The following LRP1B variants were observed in gnomAD, a reference collection of about 807,000 sequenced individuals.
LRP1B encodes LDL receptor related protein 1B, also known as low-density lipoprotein receptor-related protein 1B.
Under a neutral mutation model 556.6 loss-of-function variants are expected in LRP1B, and 217 were observed. The observed-to-expected ratio is 0.39, with a 90% CI of 0.35 to 0.44. The LOEUF (loss-of-function observed/expected upper bound fraction) is 0.44. Among genes scored for constraint, LRP1B ranks in the 20% least tolerant of loss-of-function variants. LRP1B has a pLI of 1.00. For missense variants in LRP1B, 5,053 were observed against 5,620.8 expected, an observed-to-expected ratio of 0.90 and a Z score of 3.23; for synonymous variants, 2,047 against 1,865.8, an observed-to-expected ratio of 1.10 and a Z score of -2.50.
chr2:140,652,688 A>C (rs1377537656), intron 41 of LRP1B, among the ~76,000 whole-genome samples: 1 of 152,060 alleles, frequency 6.6e-6, no homozygotes, highest in Non-Finnish European at 1.5e-5. Flanking sequence ...TTTCATGTAC[A>C]AAAGAAAGTT....
intron 44 of LRP1B, among the ~76,000 whole-genome samples, chr2:140,541,379 A>G (rs1680128062): frequency 6.6e-6 from 1 of 152,130 alleles, no homozygotes. Flanking sequence ...TTTTGTAAGC[A>G]CTGCATTGAC....
At chr2:142,093,011 C>T (rs1032544376) in intron 1 of LRP1B, among the ~76,000 whole-genome samples, 23 of 152,090 alleles carry the variant, frequency 1.5e-4, no homozygotes, top group African/African-American at 5.3e-4. Flanking sequence ...TGCGTGATCT[C>T]CCATCTACAA....
intron 20 of LRP1B, among the ~76,000 whole-genome samples, chr2:140,929,935 T>C (rs1030416190): frequency 2.0e-5 from 3 of 152,012 alleles, no homozygotes; most frequent in African/African-American, 7.2e-5. Context: ...CAGAAAAAAG[T>C]CATGAGGTTT....
chr2:140,660,546 T>C (rs1685055567), intron 41 of LRP1B, among the ~76,000 whole-genome samples: 1 of 152,154 alleles, frequency 6.6e-6, no homozygotes, highest in Admixed American at 6.5e-5. Flanking sequence ...AAGAGCTCCT[T>C]TTCATATCTC....
At chr2:140,436,781 C>G (rs1454733340) in intron 66 of LRP1B, among the ~76,000 whole-genome samples, 2 of 151,998 alleles carry the variant, frequency 1.3e-5, no homozygotes, top group African/African-American at 4.8e-5. Context: ...GTAGAAAGAT[C>G]AGCTGCACAT....
chr2:141,479,602 TAA>T (rs969387580), intron 3 of LRP1B, among the ~76,000 whole-genome samples: 1 of 152,150 alleles, frequency 6.6e-6, no homozygotes, highest in Non-Finnish European at 1.5e-5. Context: ...GAATCTGAGT[TAA>T]AGACTTCCAG....
At chr2:141,736,683 G>A (rs2105530647) in intron 2 of LRP1B, among the ~76,000 whole-genome samples, 1 of 152,242 alleles carries the variant, frequency 6.6e-6, no homozygotes, top group African/African-American at 2.4e-5. Context: ...CCAACAGCAA[G>A]TCACTACAGT....
At chr2:141,777,694 C>T (rs529440828) in intron 2 of LRP1B, among the ~76,000 whole-genome samples, 2 of 152,076 alleles carry the variant, frequency 1.3e-5, no homozygotes, top group Admixed American at 6.6e-5. Flanking sequence ...GGATTACAGT[C>T]GTGAGCCACC....
chr2:140,232,994 A>T lies in LRP1B; in HGVS notation c.*192T>A. 1 of 413,522 alleles carries T rather than the reference A, an allele frequency of 2.4e-6. No individual in the cohort carries two copies. Among genetic ancestry groups the T allele is most frequent in the Non-Finnish European group, 4.3e-6 (1 of 233,974 alleles). The allele number at this position is 413,522 out of a possible 1,614,324, so 25.6% of individuals were successfully genotyped here. A position where few individuals can be genotyped will look rare whatever the true frequency, so the allele number is the denominator to read the frequency against. On this transcript the variant is annotated 3_prime_UTR_variant, in exon 91 of 91. Transcript: ENST00000389484. ...ACTGTAGTGCAGTTCTTTTTCATAA[A>T]AATACCATACAAATGGTCAATCAAT... is the stretch of plus-strand genomic sequence containing the variant.
At chr2:140,839,436 A>T (rs191713579) in intron 31 of LRP1B, among the ~76,000 whole-genome samples, 27 of 152,284 alleles carry the variant, frequency 1.8e-4, no homozygotes, top group African/African-American at 5.1e-4. Context: ...CCCACCCTCA[A>T]TCTGGGTGGG....
intron 35 of LRP1B, among the ~76,000 whole-genome samples, chr2:140,740,301 G>A (rs1220478861): frequency 6.6e-6 from 1 of 152,014 alleles, no homozygotes; most frequent in Non-Finnish European, 1.5e-5. Flanking sequence ...AAGAAACTGT[G>A]GTATATGTGT....
In LRP1B at chr2:140,525,999, A is replaced by T; in HGVS notation, c.7877-6T>A. ...ATGTGTGCAGTCTGTGTTATCTAGA[A>T]GAAGGTAAACAAAAAATGAAAAAGT... is the stretch of plus-strand genomic sequence containing the variant. On this transcript the variant is annotated splice_region_variant and splice_polypyrimidine_tract_variant and intron_variant, in intron 48 of 90. Transcript: ENST00000389484. 6.2e-7 allele frequency: 1 copy of T among 1,611,112 alleles called. No homozygotes were observed. The highest frequency in any genetic ancestry group is 8.5e-7 in the Non-Finnish European group (1 of 1,178,484).
chr2:141,854,228 G>T (rs1305102093), intron 1 of LRP1B, among the ~76,000 whole-genome samples: 1 of 151,914 alleles, frequency 6.6e-6, no homozygotes, highest in East Asian at 1.9e-4. Context: ...GCATGAGCAA[G>T]TTCCCACTAT....
chr2:141,471,874 C>A (rs1308810660), intron 3 of LRP1B, among the ~76,000 whole-genome samples: 1 of 152,152 alleles, frequency 6.6e-6, no homozygotes, highest in Non-Finnish European at 1.5e-5. Flanking sequence ...ATATTTTCTA[C>A]ATTCTTTGTT....
At chr2:140,490,653 A>T (rs931107337) in intron 57 of LRP1B, among the ~76,000 whole-genome samples, 1 of 152,102 alleles carries the variant, frequency 6.6e-6, no homozygotes, top group African/African-American at 2.4e-5. Flanking sequence ...AATGGTTTCT[A>T]CTGCCTAGAA....
At chr2:140,832,143 T>G (rs183217386) in intron 31 of LRP1B, among the ~76,000 whole-genome samples, 1 of 152,272 alleles carries the variant, frequency 6.6e-6, no homozygotes, top group East Asian at 1.9e-4. Flanking sequence ...TATATGATTT[T>G]TTTTTCAAAG....
intron 7 of LRP1B, among the ~76,000 whole-genome samples, chr2:141,129,247 A>C (rs16845484): frequency 0.036 from 5,503 of 152,244 alleles, 154 homozygotes; most frequent in East Asian, 0.16. Context: ...AAGACGACTT[A>C]ATATCTTAAA....
chr2:140,266,119 C>T (rs954529205), intron 86 of LRP1B, among the ~76,000 whole-genome samples: 10 of 151,870 alleles, frequency 6.6e-5, no homozygotes, highest in Non-Finnish European at 1.2e-4. Flanking sequence ...AAAATATTTT[C>T]CTCTAGATCC....
intron 6 of LRP1B, among the ~76,000 whole-genome samples, chr2:141,222,022 G>C (rs1212813730): frequency 4.0e-5 from 6 of 151,812 alleles, no homozygotes; most frequent in Non-Finnish European, 5.9e-5. Flanking sequence ...GAAGAACTAG[G>C]GAATCAAGAG....
Sources: gnomAD v4.1 joint callset for allele counts (sites outside exome capture counted in the v4.1 genomes callset) on GRCh38, gnomAD v4.1.1 for gene constraint, MANE v1.5 for transcripts, NCBI Gene and HGNC (gene_info 2026-07-23, HGNC 2026-07-21) for gene names.